The following NREP variants were observed in gnomAD, a reference collection of about 807,000 sequenced individuals.
NREP encodes the protein neuronal regeneration related protein.
A neutral mutation model predicts 8.6 loss-of-function variants in NREP; 5 were observed. That is an observed-to-expected ratio of 0.58 (90% CI 0.30 to 1.22). The LOEUF (loss-of-function observed/expected upper bound fraction) is 1.22. Among genes scored for constraint, NREP ranks in the 50% most tolerant of loss-of-function variants. The probability of loss-of-function intolerance (pLI) is 0.07; values close to 1 mark genes in which losing one functional copy is unlikely to be tolerated. For synonymous variants in NREP, 27 were observed against 28.0 expected (o/e 0.96, Z 0.11); for missense variants, 86 against 82.5 (o/e 1.04, Z -0.17).
At chr5:111,928,625 C>A (rs1473351251) in intron 2 of NREP, among the ~76,000 whole-genome samples, 1 of 152,128 alleles carries the variant, frequency 6.6e-6, no homozygotes, top group Non-Finnish European at 1.5e-5. Context: ...GTTTTCCTCT[C>A]ATACAATACT....
intron 2 of NREP, among the ~76,000 whole-genome samples, chr5:111,898,562 G>A (rs531753748): frequency 1.4e-3 from 212 of 152,266 alleles, no homozygotes; most frequent in Non-Finnish European, 2.5e-3. Context: ...GTGTAAGAGA[G>A]AAGTTTAGAC....
At chr5:111,857,870 A>G (rs918769617) in intron 2 of NREP, among the ~76,000 whole-genome samples, 8 of 152,114 alleles carry the variant, frequency 5.3e-5, no homozygotes, top group African/African-American at 1.7e-4. Flanking sequence ...CTACCTTCCT[A>G]TAGCACATAA....
intron 2 of NREP, among the ~76,000 whole-genome samples, chr5:111,832,607 C>A (rs1213339752): frequency 6.6e-6 from 1 of 152,164 alleles, no homozygotes; most frequent in Admixed American, 6.5e-5. Flanking sequence ...CTCCCTATAA[C>A]CATTGCAAGC....
chr5:111,743,977 A>T (rs1749840781), intron 2 of NREP, among the ~76,000 whole-genome samples: 2 of 152,148 alleles, frequency 1.3e-5, no homozygotes, highest in East Asian at 3.8e-4. Context: ...TAAAGCCTTC[A>T]GTTAAGGGCT....
Position 111,975,062 on chromosome 5 carries a change from A to G in NREP, c.135+212T>C, listed in dbSNP as rs1056055103. Among the ~76,000 whole-genome samples the G allele has an allele frequency of 7.9e-5, 12 of 152,348 alleles. No homozygotes were observed. In the East Asian group the frequency reaches 1.3e-3, roughly 17 times the overall value. On this transcript the variant is annotated intron_variant, in intron 2 of 3. Coordinates refer to the NREP transcript ENST00000395634. ...AGGATTGCACTTCCACAGGGAATGA[A>G]GTGATGGCAGTTACAATGCAGAGAT... is the stretch of plus-strand genomic sequence containing the variant.
At chr5:111,893,570 C>G (rs1036027307) in intron 2 of NREP, among the ~76,000 whole-genome samples, 1 of 151,142 alleles carries the variant, frequency 6.6e-6, no homozygotes, top group African/African-American at 2.4e-5. Flanking sequence ...AATAGAAATT[C>G]AAGGCCAAAT....
chr5:111,918,847 C>A (rs1361224670), intron 2 of NREP, among the ~76,000 whole-genome samples: 1 of 152,060 alleles, frequency 6.6e-6, no homozygotes, highest in Non-Finnish European at 1.5e-5. Flanking sequence ...CAACAAAAGC[C>A]AAAATTGACA....
chr5:111,974,390 C>T (rs560692918), intron 2 of NREP: 6 of 134,512 alleles, frequency 4.5e-5, no homozygotes, highest in African/African-American at 1.1e-4. Context: ...GGTGGAAGCA[C>T]GGTGACATTA....
chr5:111,902,135 A>G (rs1397831603), intron 2 of NREP, among the ~76,000 whole-genome samples: 4 of 152,158 alleles, frequency 2.6e-5, no homozygotes, highest in African/African-American at 9.7e-5. Context: ...GAACCCAGAA[A>G]TTAATCTATA....
At chr5:111,971,275 T>A (rs567823547) in intron 2 of NREP, among the ~76,000 whole-genome samples, 1 of 152,170 alleles carries the variant, frequency 6.6e-6, no homozygotes, top group Admixed American at 6.5e-5. Context: ...TACCTGAAAG[T>A]GACCTACAGA....
In NREP at chr5:111,731,100, G is replaced by A; in HGVS notation, c.82-54C>T. 4 of 1,589,604 alleles carry A rather than the reference G, an allele frequency of 2.5e-6. No homozygotes were observed. In the South Asian group the frequency reaches 4.5e-5, roughly 18 times the overall value. ...CAGACACACATAAAAGACAAAATTAGTCATGCTTCTGAAACCATTTTTTAA... is the reference window on the plus strand; with the variant it reads ...CAGACACACATAAAAGACAAAATTAATCATGCTTCTGAAACCATTTTTTAA... On this transcript the variant is annotated intron_variant, in intron 3 of 3. Transcript: ENST00000257435.
At chr5:111,731,124 A>T in intron 3 of NREP, 78 bp from the exon 4 acceptor site, 2 of 1,549,218 alleles carry the variant, frequency 1.3e-6, no homozygotes, top group South Asian at 1.2e-5. Context: ...ACCATTTTTT[A>T]AAATTTTGCT....
intron 2 of NREP, among the ~76,000 whole-genome samples, chr5:111,767,036 C>T (rs184153904): frequency 6.6e-6 from 1 of 152,254 alleles, no homozygotes; most frequent in East Asian, 1.9e-4. Flanking sequence ...ATTCCTCCCA[C>T]CCTAAGAATT....
intron 2 of NREP, among the ~76,000 whole-genome samples, chr5:111,869,763 C>G (rs940926258): frequency 1.3e-5 from 2 of 152,116 alleles, no homozygotes; most frequent in Non-Finnish European, 2.9e-5. Flanking sequence ...TCAAAAACAA[C>G]AGAAGCAGGG....
intron 2 of NREP, among the ~76,000 whole-genome samples, chr5:111,790,422 T>A (rs1354621970): frequency 7.5e-6 from 1 of 133,028 alleles, no homozygotes; most frequent in Non-Finnish European, 1.6e-5. Flanking sequence ...TAGAGATTTG[T>A]CTTAGGAAAA....
intron 2 of NREP, among the ~76,000 whole-genome samples, chr5:111,820,220 CA>C (rs895139683): frequency 2.0e-5 from 3 of 151,060 alleles, no homozygotes; most frequent in South Asian, 4.2e-4. Context: ...AAATAGATCA[CA>C]AAAAAAAAGT....
At chr5:111,963,093 A>G (rs1004725517) in intron 2 of NREP, among the ~76,000 whole-genome samples, 18 of 152,268 alleles carry the variant, frequency 1.2e-4, no homozygotes, top group African/African-American at 4.1e-4. Flanking sequence ...GGGCCCACTG[A>G]GTGGATAACA....
intron 2 of NREP, among the ~76,000 whole-genome samples, chr5:111,737,037 C>T (rs964784675): frequency 3.3e-5 from 5 of 152,188 alleles, no homozygotes; most frequent in African/African-American, 1.2e-4. Context: ...TCTGCAAGAG[C>T]TAGAACTATT....
intron 2 of NREP, among the ~76,000 whole-genome samples, chr5:111,944,763 T>G (rs1165527369): frequency 6.6e-6 from 1 of 152,150 alleles, no homozygotes; most frequent in Non-Finnish European, 1.5e-5. Flanking sequence ...CAATGATGTC[T>G]GAGTTCCAAA....
Sources: gnomAD v4.1 joint callset for allele counts (sites outside exome capture counted in the v4.1 genomes callset) on GRCh38, gnomAD v4.1.1 for gene constraint, MANE v1.5 for transcripts, NCBI Gene and HGNC (gene_info 2026-07-23, HGNC 2026-07-21) for gene names.